CBY1: variants seen among roughly 807,000 people sequenced by gnomAD.
CBY1 encodes chibby 1, beta catenin antagonist, also known as protein chibby homolog 1.
Under a neutral mutation model 15.6 loss-of-function variants are expected in CBY1, and 10 were observed. The ratio of observed to expected loss-of-function variants is 0.64; its 90% CI spans 0.40 to 1.09. The LOEUF (loss-of-function observed/expected upper bound fraction) is 1.09, where lower values mean the gene tolerates loss of function less well. Among genes scored for constraint, CBY1 ranks in the 50% least tolerant of loss-of-function variants. CBY1 has a pLI of 0.01. For missense variants in CBY1, 150 were observed against 160.5 expected (o/e 0.93, Z 0.35); for synonymous variants, 61 against 63.5 (o/e 0.96, Z 0.19).
intron 1 of CBY1, among the ~76,000 whole-genome samples, chr22:38,658,357 C>G (rs2092409839): frequency 1.3e-5 from 2 of 152,134 alleles, no homozygotes. Context: ...ATCTCTTGAC[C>G]TCGTGATCTG....
At chr22:38,665,457 CCT>C (rs1257091354) in intron 1 of CBY1, 2 of 382,132 alleles carry the variant, frequency 5.2e-6, no homozygotes, top group Middle Eastern at 6.6e-4. Context: ...AGAACGAGAC[CCT>C]GTCTCAAGAA....
At chr22:38,664,624 A>G (rs924034357) in intron 1 of CBY1, among the ~76,000 whole-genome samples, 1 of 152,204 alleles carries the variant, frequency 6.6e-6, no homozygotes, top group Admixed American at 6.5e-5. Flanking sequence ...GCCAGAATGG[A>G]AAAGATGAAA....
At chr22:38,672,472 CGCTT>C (rs1569256852) in intron 4 of CBY1, among the ~76,000 whole-genome samples, 1 of 151,876 alleles carries the variant, frequency 6.6e-6, no homozygotes, top group Non-Finnish European at 1.5e-5. Flanking sequence ...CCCGCCACCA[CGCTT>C]GGCTAATTTT....
intron 4 of CBY1, among the ~76,000 whole-genome samples, chr22:38,672,300 G>T (rs2092454898): frequency 6.6e-6 from 1 of 151,646 alleles, no homozygotes; most frequent in Non-Finnish European, 1.5e-5. Context: ...TTTTAGGCTG[G>T]ATGTTTTTTT....
At position 38,668,130 on chromosome 22, in the gene CBY1, T is replaced by C. The variant is rs558570088; in HGVS notation, c.76T>C (p.Ser26Pro). 5.0e-6 allele frequency: 8 copies of C among 1,588,876 alleles called. No individual in the cohort carries two copies. The South Asian group carries it at 8.8e-5, about 18-fold the overall frequency. ...RKSASLSNLH[S>P]LDRSTREVEL... ...GTCGGCATCTCTCTCCAACCTGCAT[T>C]CTGTGAGTGTCGGTACTGGGGTCGG... The change falls in exon 2 of 5, where the codon TCT becomes CCT. Residue 26 changes from serine (S) to proline (P), a missense_variant and splice_region_variant. Physicochemically the swap from Ser to Pro is moderately conservative, Grantham distance 74. Coordinates refer to ENST00000216029, the MANE Select transcript of CBY1 (RefSeq NM_015373.4).
chr22:38,670,084 G>C (rs1402719148), intron 2 of CBY1: 1 of 152,256 alleles, frequency 6.6e-6, no homozygotes, highest in Non-Finnish European at 1.5e-5. Flanking sequence ...ACAAAAATTA[G>C]CCAGGTGTGG....
intron 2 of CBY1, chr22:38,668,462 C>G: frequency 5.4e-6 from 1 of 185,238 alleles, no homozygotes. Flanking sequence ...CCTCCACCTC[C>G]CGGGTTCAAG....
chr22:38,668,649 GTGTGAGCCAC>G (rs1451037966), intron 2 of CBY1: 2 of 154,158 alleles, frequency 1.3e-5, no homozygotes, highest in African/African-American at 2.4e-5. Context: ...AGGATTACAG[GTGTGAGCCAC>G]TGTGCCCAGC....
intron 2 of CBY1, chr22:38,668,569 C>T (rs2092443725): frequency 6.3e-6 from 1 of 158,792 alleles, no homozygotes; most frequent in East Asian, 1.9e-4. Context: ...CAGGGTTTCA[C>T]CATGTTGGCC....
At chr22:38,660,959 C>T (rs1444182182) in intron 1 of CBY1, among the ~76,000 whole-genome samples, 1 of 152,082 alleles carries the variant, frequency 6.6e-6, no homozygotes, top group Non-Finnish European at 1.5e-5. Context: ...TAACCTCTTT[C>T]TCTTCTCCAG....
At chr22:38,663,918 A>C (rs375137599) in intron 1 of CBY1, among the ~76,000 whole-genome samples, 82 of 151,636 alleles carry the variant, frequency 5.4e-4, no homozygotes, top group African/African-American at 2.0e-3. Flanking sequence ...GCTACTTGGG[A>C]GGTTGAGACA....
At chr22:38,668,217 G>C (rs963118023) in intron 2 of CBY1, 85 bp downstream of exon 2, 1 of 832,548 alleles carries the variant, frequency 1.2e-6, no homozygotes. Context: ...TGGTCCTCCA[G>C]AGGCATCAGT....
chr22:38,661,334 C>T (rs144964056), intron 1 of CBY1, among the ~76,000 whole-genome samples: 2,497 of 152,220 alleles, frequency 0.016, 36 homozygotes, highest in Middle Eastern at 0.051. Context: ...CCACCACTCC[C>T]GGCTAATTTT....
intron 4 of CBY1, among the ~76,000 whole-genome samples, chr22:38,672,631 A>G (rs868824905): frequency 2.0e-5 from 3 of 151,596 alleles, no homozygotes; most frequent in African/African-American, 7.3e-5. Flanking sequence ...GTTTTTTTTT[A>G]AAAATGAGCA....
chr22:38,657,089 T>C (rs1157075670), intron 1 of CBY1: 4 of 981,938 alleles, frequency 4.1e-6, no homozygotes, highest in Non-Finnish European at 4.8e-6. Context: ...GACACGTATA[T>C]CTTTGAGAAT....
At chr22:38,662,664 G>C (rs1399595920) in intron 1 of CBY1, among the ~76,000 whole-genome samples, 14 of 151,948 alleles carry the variant, frequency 9.2e-5, no homozygotes, top group Admixed American at 9.2e-4. Context: ...CTAATTTTTT[G>C]TATCTTTGGT....
At chr22:38,660,720 C>T (rs1451195542) in intron 1 of CBY1, among the ~76,000 whole-genome samples, 1 of 151,950 alleles carries the variant, frequency 6.6e-6, no homozygotes, top group Admixed American at 6.6e-5. Flanking sequence ...ACCCCAAACC[C>T]TAGCATTTTC....
At chr22:38,661,502 G>A (rs2092422316) in intron 1 of CBY1, among the ~76,000 whole-genome samples, 1 of 152,154 alleles carries the variant, frequency 6.6e-6, no homozygotes, top group African/African-American at 2.4e-5. Flanking sequence ...TAACTACCAG[G>A]AAAGCTGTCA....
At chr22:38,666,233 A>T (rs4561747) in intron 1 of CBY1, among the ~76,000 whole-genome samples, 6,108 of 139,256 alleles carry the variant, frequency 0.044, 160 homozygotes, top group African/African-American at 0.077. Flanking sequence ...ATATATATAT[A>T]TTTTTTTTTC....
Sources: gnomAD v4.1 joint callset for allele counts (sites outside exome capture counted in the v4.1 genomes callset) on GRCh38, gnomAD v4.1.1 for gene constraint, MANE v1.5 for transcripts, NCBI Gene and HGNC (gene_info 2026-07-23, HGNC 2026-07-21) for gene names.